Variants in LINGO2 observed in about 807,000 individuals in gnomAD.
LINGO2 encodes the protein leucine-rich repeat and immunoglobulin-like domain-containing nogo receptor-interacting protein 2.
A neutral mutation model predicts 30.6 loss-of-function variants in LINGO2; 14 were observed. The observed-to-expected ratio is 0.46, with a 90% CI of 0.30 to 0.72. The LOEUF is 0.72. Among genes scored for constraint, LINGO2 ranks in the 30% least tolerant of loss-of-function variants. The pLI, the probability that LINGO2 is intolerant of heterozygous loss-of-function variation, is 0.07. For synonymous variants in LINGO2, 317 were observed against 288.5 expected, an observed-to-expected ratio of 1.10 and a Z score of -1.00; for missense variants, 729 against 751.7, an observed-to-expected ratio of 0.97 and a Z score of 0.35.
At chr9:28,053,928 G>A (rs905738041) in intron 4 of LINGO2, among the ~76,000 whole-genome samples, 2 of 151,980 alleles carry the variant, frequency 1.3e-5, no homozygotes, top group African/African-American at 4.8e-5. Flanking sequence ...GAAGACAACT[G>A]AGTAACAGAT....
At chr9:28,801,716 T>A in the LINGO2 span, among the ~76,000 whole-genome samples, 1 of 152,030 alleles carries the variant, frequency 6.6e-6, no homozygotes, top group African/African-American at 2.4e-5. Context: ...GCTCAGTTAA[T>A]TGAATAAAAA....
intron 5 of LINGO2, among the ~76,000 whole-genome samples, chr9:27,982,496 G>T (rs1277521442): frequency 5.3e-5 from 8 of 151,752 alleles, no homozygotes; most frequent in African/African-American, 9.7e-5. Context: ...TACATATCAG[G>T]TTCTAAGAAC....
chr9:28,513,901 T>C (rs1820515850), intron 1 of LINGO2, among the ~76,000 whole-genome samples: 1 of 152,234 alleles, frequency 6.6e-6, no homozygotes, highest in Non-Finnish European at 1.5e-5. Context: ...TTTCACAAAT[T>C]GAAGCTTTTG....
At chr9:28,691,507 C>G in the LINGO2 span, among the ~76,000 whole-genome samples, 2 of 151,932 alleles carry the variant, frequency 1.3e-5, no homozygotes, top group Non-Finnish European at 2.9e-5. Context: ...CATGTGCAAG[C>G]AAAACCTTAT....
chr9:28,346,638 A>G (rs1338792225), intron 3 of LINGO2, among the ~76,000 whole-genome samples: 1 of 152,166 alleles, frequency 6.6e-6, no homozygotes, highest in Non-Finnish European at 1.5e-5. Context: ...TGGTTGAACT[A>G]ATTTATAATC....
At chr9:28,043,842 A>C (rs1230627023) in intron 4 of LINGO2, among the ~76,000 whole-genome samples, 1 of 152,204 alleles carries the variant, frequency 6.6e-6, no homozygotes, top group Non-Finnish European at 1.5e-5. Flanking sequence ...GCTACAAAAC[A>C]AACAATAATT....
the LINGO2 span, among the ~76,000 whole-genome samples, chr9:29,045,245 T>C: frequency 6.6e-6 from 1 of 152,112 alleles, no homozygotes; most frequent in African/African-American, 2.4e-5. Context: ...AAATTGTTTA[T>C]CTCTGGAATG....
chr9:27,981,690 A>G (rs992970221), intron 5 of LINGO2, among the ~76,000 whole-genome samples: 2 of 151,626 alleles, frequency 1.3e-5, no homozygotes, highest in African/African-American at 4.8e-5. Flanking sequence ...TTCATTGTCC[A>G]TCTAGATTAG....
intron 3 of LINGO2, among the ~76,000 whole-genome samples, chr9:28,318,003 A>G (rs370577553): frequency 6.6e-6 from 1 of 152,208 alleles, no homozygotes; most frequent in African/African-American, 2.4e-5. Flanking sequence ...AAAGACTATC[A>G]GCAAGGAATA....
At chr9:29,007,183 T>C in the LINGO2 span, among the ~76,000 whole-genome samples, 4 of 150,202 alleles carry the variant, frequency 2.7e-5, no homozygotes, top group African/African-American at 1.0e-4. Flanking sequence ...TACAAAATTG[T>C]AGTGAAACTA....
At chr9:29,166,455 TC>T in the LINGO2 span, among the ~76,000 whole-genome samples, 1 of 152,084 alleles carries the variant, frequency 6.6e-6, no homozygotes, top group Non-Finnish European at 1.5e-5. Flanking sequence ...TCTCAGCCAT[TC>T]CTCATTCACT....
At chr9:29,160,723 T>C in the LINGO2 span, among the ~76,000 whole-genome samples, 2 of 152,222 alleles carry the variant, frequency 1.3e-5, no homozygotes, top group Non-Finnish European at 2.9e-5. Context: ...AGAATAGAGA[T>C]AATTTGACAA....
At chr9:28,510,966 G>T (rs904300116) in intron 1 of LINGO2, among the ~76,000 whole-genome samples, 2 of 151,988 alleles carry the variant, frequency 1.3e-5, no homozygotes, top group Admixed American at 6.6e-5. Flanking sequence ...TGTGGGTGTA[G>T]GCCAGTCTCT....
chr9:28,186,412 G>A (rs766649673), intron 4 of LINGO2, among the ~76,000 whole-genome samples: 19 of 152,172 alleles, frequency 1.2e-4, no homozygotes, highest in Non-Finnish European at 2.6e-4. Flanking sequence ...TCTTTTGCGA[G>A]CCAAGTACTG....
chr9:28,679,938 C>A, the LINGO2 span, among the ~76,000 whole-genome samples: 2 of 150,790 alleles, frequency 1.3e-5, no homozygotes, highest in Non-Finnish European at 2.9e-5. Flanking sequence ...ACATACTTAC[C>A]GTTTTTTTTT....
the LINGO2 span, among the ~76,000 whole-genome samples, chr9:29,069,499 C>T: frequency 1.3e-5 from 2 of 151,884 alleles, no homozygotes; most frequent in Non-Finnish European, 2.9e-5. Flanking sequence ...ATTTATAGTA[C>T]ACATCCCATT....
chr9:28,724,033 T>A, the LINGO2 span, among the ~76,000 whole-genome samples: 1 of 152,126 alleles, frequency 6.6e-6, no homozygotes, highest in Non-Finnish European at 1.5e-5. Flanking sequence ...ATGTACACAA[T>A]AATACAAACA....
At chr9:28,637,637 T>A (rs929504049) in intron 1 of LINGO2, among the ~76,000 whole-genome samples, 5 of 152,176 alleles carry the variant, frequency 3.3e-5, no homozygotes, top group African/African-American at 1.2e-4. Context: ...GTTATTGGTG[T>A]ATAAGAATGC....
chr9:28,666,293 T>G (rs1828798924), intron 1 of LINGO2, among the ~76,000 whole-genome samples: 1 of 152,142 alleles, frequency 6.6e-6, no homozygotes, highest in Non-Finnish European at 1.5e-5. Flanking sequence ...TACCTGAACA[T>G]GCACTATTGT....
Sources: gnomAD v4.1 joint callset for allele counts (sites outside exome capture counted in the v4.1 genomes callset) on GRCh38, gnomAD v4.1.1 for gene constraint, MANE v1.5 for transcripts, NCBI Gene and HGNC (gene_info 2026-07-23, HGNC 2026-07-21) for gene names.